Variants in PBX1 observed in about 807,000 individuals in gnomAD.
PBX1 encodes the protein PBX homeobox 1.
PBX1 carries 6 observed loss-of-function variants against 53.4 expected under a neutral mutation model. The observed-to-expected ratio is 0.11, with a 90% CI of 0.06 to 0.22. The LOEUF (loss-of-function observed/expected upper bound fraction) is 0.22, where lower values mean the gene tolerates loss of function less well. Ranked by LOEUF, PBX1 falls within the 10% of genes least tolerant of loss-of-function variation. The pLI is 1.00. For missense variants in PBX1, 251 were observed against 551.4 expected (o/e 0.46, Z 5.46); for synonymous variants, 204 against 212.3 (o/e 0.96, Z 0.34).
intron 2 of PBX1, among the ~76,000 whole-genome samples, chr1:164,655,390 G>A (rs889822058): frequency 6.6e-6 from 1 of 152,170 alleles, no homozygotes; most frequent in Non-Finnish European, 1.5e-5. Context: ...TGGGATTATA[G>A]GAGTGAGCCA....
intron 2 of PBX1, among the ~76,000 whole-genome samples, chr1:164,753,418 G>T (rs1666332921): frequency 1.3e-5 from 2 of 152,024 alleles, no homozygotes; most frequent in Admixed American, 1.3e-4. Flanking sequence ...TATCTTATTT[G>T]TCTTTTGTTT....
At chr1:164,699,776 C>T (rs748599320) in intron 2 of PBX1, among the ~76,000 whole-genome samples, 1 of 152,084 alleles carries the variant, frequency 6.6e-6, no homozygotes, top group African/African-American at 2.4e-5. Context: ...CCCCTTTATT[C>T]TTTCTCACTT....
chr1:164,822,079 C>T (rs547090143), intron 8 of PBX1, among the ~76,000 whole-genome samples: 1 of 152,166 alleles, frequency 6.6e-6, no homozygotes, highest in East Asian at 1.9e-4. Flanking sequence ...AAAATTAACA[C>T]AGAAGCTGGG....
intron 2 of PBX1, among the ~76,000 whole-genome samples, chr1:164,737,449 TTTTTA>T (rs1665356713): frequency 6.6e-6 from 1 of 152,072 alleles, no homozygotes; most frequent in African/African-American, 2.4e-5. Flanking sequence ...TTGATAAACA[TTTTTA>T]TTTTATTTTA....
At chr1:164,589,003 G>A (rs1386827730) in intron 2 of PBX1, among the ~76,000 whole-genome samples, 2 of 151,978 alleles carry the variant, frequency 1.3e-5, no homozygotes, top group Non-Finnish European at 2.9e-5. Context: ...CTCCTCCCCA[G>A]CCCCCTCCCC....
At chr1:164,801,785 C>T (rs1380210327) in intron 4 of PBX1, among the ~76,000 whole-genome samples, 1 of 152,184 alleles carries the variant, frequency 6.6e-6, no homozygotes, top group Non-Finnish European at 1.5e-5. Flanking sequence ...CTATTGTCAT[C>T]GTTACTATCA....
chr1:164,822,720 G>T (rs1670220229), intron 8 of PBX1, among the ~76,000 whole-genome samples: 1 of 152,104 alleles, frequency 6.6e-6, no homozygotes, highest in African/African-American at 2.4e-5. Flanking sequence ...AAATTTGGGG[G>T]TTACATAGTA....
At chr1:164,606,227 C>T (rs79065934) in intron 2 of PBX1, among the ~76,000 whole-genome samples, 1,531 of 152,328 alleles carry the variant, frequency 0.01, 13 homozygotes, top group Middle Eastern at 0.02. Flanking sequence ...TGGTGGCTCA[C>T]GCCTGTTATC....
At chr1:164,729,154 A>G (rs1237110928) in intron 2 of PBX1, among the ~76,000 whole-genome samples, 2 of 152,228 alleles carry the variant, frequency 1.3e-5, no homozygotes, top group Non-Finnish European at 2.9e-5. Flanking sequence ...CTAACCTCAG[A>G]GGTTTAAAAA....
rs570528916 is a variant in PBX1 at position 164,805,401 on chromosome 1, A to G, written c.702-2141A>G. ...ATTAAGACAGCTACTAAAAGAAGTG[A>G]TAAGCGAGTCCATCAGAGTAGGTGA... On this transcript the variant is annotated intron_variant, in intron 4 of 8. Coordinates refer to ENST00000420696, the MANE Select transcript of PBX1 (RefSeq NM_002585.4). Among the ~76,000 whole-genome samples, 4 of 152,324 alleles carry G rather than the reference A, an allele frequency of 2.6e-5. No individual in the cohort carries two copies. In the East Asian group the frequency reaches 5.8e-4, roughly 22 times the overall value.
intron 2 of PBX1, among the ~76,000 whole-genome samples, chr1:164,660,315 A>G (rs897208805): frequency 3.9e-5 from 6 of 152,188 alleles, no homozygotes; most frequent in Non-Finnish European, 7.3e-5. Flanking sequence ...TATGTGGGAC[A>G]TGCTGGGGCC....
At chr1:164,683,998 A>G (rs1661944456) in intron 2 of PBX1, 1 of 152,070 alleles carries the variant, frequency 6.6e-6, no homozygotes, top group Admixed American at 6.6e-5. Context: ...AGATTTTCAT[A>G]GAGATGAAGG....
chr1:164,666,343 G>A (rs1387270314), intron 2 of PBX1, among the ~76,000 whole-genome samples: 1 of 152,170 alleles, frequency 6.6e-6, no homozygotes, highest in East Asian at 1.9e-4. Flanking sequence ...AAAGGCTTAA[G>A]TCCATTATTA....
chr1:164,752,635 A>G (rs1482053819), intron 2 of PBX1, among the ~76,000 whole-genome samples: 1 of 152,178 alleles, frequency 6.6e-6, no homozygotes, highest in African/African-American at 2.4e-5. Context: ...TCTCATAAAC[A>G]CTATGAGGGC....
At chr1:164,702,161 G>A (rs1211108605) in intron 2 of PBX1, among the ~76,000 whole-genome samples, 1 of 151,864 alleles carries the variant, frequency 6.6e-6, no homozygotes, top group Non-Finnish European at 1.5e-5. Flanking sequence ...TGCCCTGGCT[G>A]GCAGTATGAG....
intron 2 of PBX1, among the ~76,000 whole-genome samples, chr1:164,595,738 TTTAG>T (rs1655711331): frequency 6.6e-6 from 1 of 152,164 alleles, no homozygotes; most frequent in Non-Finnish European, 1.5e-5. Context: ...ATCATTATTA[TTTAG>T]TGTTAATCAA....
At chr1:164,635,172 A>T (rs940317356) in intron 2 of PBX1, among the ~76,000 whole-genome samples, 8 of 152,208 alleles carry the variant, frequency 5.3e-5, no homozygotes, top group African/African-American at 1.9e-4. Flanking sequence ...AATATACAGC[A>T]GTTCATCTGA....
intron 2 of PBX1, among the ~76,000 whole-genome samples, chr1:164,738,580 A>G (rs1393702829): frequency 6.6e-6 from 1 of 152,208 alleles, no homozygotes; most frequent in African/African-American, 2.4e-5. Flanking sequence ...ATCCTGCAAT[A>G]TATTTAATTT....
chr1:164,741,252 G>C (rs1046929336), intron 2 of PBX1, among the ~76,000 whole-genome samples: 2 of 152,138 alleles, frequency 1.3e-5, no homozygotes, highest in African/African-American at 4.8e-5. Context: ...AGCATTCGTG[G>C]GACATGAGGA....
Sources: allele counts gnomAD v4.1 joint callset (sites outside exome capture counted in the v4.1 genomes callset), GRCh38; gene constraint gnomAD v4.1.1; transcripts MANE v1.5; gene names NCBI Gene and HGNC (gene_info 2026-07-23, HGNC 2026-07-21).